Variants in SBF1 observed in about 807,000 individuals in gnomAD.
SBF1 encodes the protein SET binding factor 1, also known as myotubularin-related protein 5.
In SBF1, 65 loss-of-function variants were observed where a neutral mutation model predicts 215.8. The ratio of observed to expected loss-of-function variants is 0.30; its 90% CI spans 0.25 to 0.37. SBF1 has a LOEUF of 0.37. Among genes scored for constraint, SBF1 ranks in the 10% least tolerant of loss-of-function variants. The pLI, the probability that SBF1 is intolerant of heterozygous loss-of-function variation, is 1.00. For missense variants in SBF1, 2,634 were observed against 2,667.8 expected, an observed-to-expected ratio of 0.99 and a Z score of 0.28; for synonymous variants, 1,410 against 1,122.8, an observed-to-expected ratio of 1.26 and a Z score of -5.11.
chr22:50,469,059 C>T (rs1046834358), intron 1 of SBF1, among the ~76,000 whole-genome samples: 2 of 152,228 alleles, frequency 1.3e-5, no homozygotes, highest in Non-Finnish European at 2.9e-5. Flanking sequence ...TTTGGCAGCT[C>T]CCTGTTAGAA....
intron 10 of SBF1, 109 bp from the exon 11 acceptor site, chr22:50,465,437 C>T: frequency 2.2e-6 from 2 of 901,674 alleles, no homozygotes; most frequent in Non-Finnish European, 3.4e-6. Flanking sequence ...CCGCTCCCAT[C>T]CTTCTGCCCC....
At chr22:50,471,345 A>AGGCG (rs1180990106) in intron 1 of SBF1, among the ~76,000 whole-genome samples, 11 of 152,196 alleles carry the variant, frequency 7.2e-5, no homozygotes, top group Admixed American at 3.3e-4. Flanking sequence ...GCGGGCGGGC[A>AGGCG]GGCGAACACA....
chr22:50,461,042 G>A (rs375751190), intron 23 of SBF1, 117 bp downstream of exon 23: 48 of 1,341,620 alleles, frequency 3.6e-5, no homozygotes, highest in East Asian at 2.4e-4. Context: ...ACATGCAAGC[G>A]TAACAACAGG....
Position 50,460,332 on chromosome 22 carries a change from G to C in SBF1, c.3223C>G (p.Pro1075Ala), listed in dbSNP as rs1406074770. The C allele has an allele frequency of 6.2e-7, 1 of 1,613,550 alleles. No individual in the cohort carries two copies. The highest frequency in any genetic ancestry group is 1.1e-5 in the South Asian group (1 of 91,004). Residue 1075 changes from proline to alanine, a missense_variant, in exon 25 of 41, where the codon CCC becomes GCC. Transcript: ENST00000380817. ...TGGCCCCGGTGCTCCCAGCTGGGGG[G>C]GTTGTACTTCTTGCGAGTGACATGC... ...RQHVTRKKYN[P>A]PSWEHRGQPP... is the part of the protein sequence containing the mutation.
At chr22:50,466,904 G>T in intron 5 of SBF1, 194 bp from the exon 6 acceptor site, 2 of 576,190 alleles carry the variant, frequency 3.5e-6, no homozygotes, top group Non-Finnish European at 3.1e-6. Context: ...AGAAAACTCA[G>T]GACAGGAGTG....
At chr22:50,453,129 G>A (rs2067113479) in intron 36 of SBF1, among the ~76,000 whole-genome samples, 3 of 151,996 alleles carry the variant, frequency 2.0e-5, no homozygotes, top group Non-Finnish European at 4.4e-5. Context: ...ATAACAAGAA[G>A]ACCCAACTAC....
chr22:50,466,647 G>T lies in SBF1; in HGVS notation c.613C>A (p.Pro205Thr). 1 of 1,551,898 alleles carries T rather than the reference G, an allele frequency of 6.4e-7. No individual in the cohort carries two copies. Among genetic ancestry groups the T allele is most frequent in the Non-Finnish European group, 8.7e-7 (1 of 1,147,562 alleles). ...AGGGCCACGCTGCAGCGGCTGACGGGCAGCGAGTCGGCCAGTGGAGTCTGG... is the reference window on the plus strand; with the variant it reads ...AGGGCCACGCTGCAGCGGCTGACGGTCAGCGAGTCGGCCAGTGGAGTCTGG... The part of the protein sequence containing the change: ...VIQTPLADSL[P>T]VSRCSVALLF... The change falls in exon 6 of 41, where the codon CCC becomes ACC. Residue 205 changes from proline to threonine, a missense_variant. By Grantham distance (38) the Pro-to-Thr change is conservative (BLOSUM62 -1). Coordinates refer to ENST00000380817, the MANE Select transcript of SBF1 (RefSeq NM_002972.4).
rs1423710661 is a variant in SBF1, at chr22:50,464,325, T to C, written c.1749+4A>G. 6.2e-7 allele frequency: 1 copy of C among 1,611,884 alleles called. No homozygotes were observed. The highest frequency in any genetic ancestry group is 1.7e-5 in the Admixed American group (1 of 59,940). On this transcript the variant is annotated splice_donor_region_variant and intron_variant, in intron 15 of 40. Coordinates refer to ENST00000380817, the MANE Select transcript of SBF1 (RefSeq NM_002972.4). The stretch of plus-strand genomic sequence containing the variant: ...GGCCCGGCTGGAGCCTGCACAGCCC[T>C]CACCTTCTTGGCCTCAAGCATTTTC...
At chr22:50,467,215 G>A in intron 5 of SBF1, 123 bp downstream of exon 5, 1 of 755,932 alleles carries the variant, frequency 1.3e-6, no homozygotes, top group Non-Finnish European at 2.2e-6. Flanking sequence ...GTGGCACGAG[G>A]ACGCAAGAGG....
At chr22:50,451,779 G>C (rs545725906) in intron 36 of SBF1, among the ~76,000 whole-genome samples, 12 of 149,484 alleles carry the variant, frequency 8.0e-5, no homozygotes, top group African/African-American at 2.9e-4. Context: ...ATACAGGCCA[G>C]AAAACAAAGT....
intron 13 of SBF1, 30 bp downstream of exon 13, chr22:50,464,789 C>G: frequency 6.2e-7 from 1 of 1,612,302 alleles, no homozygotes; most frequent in South Asian, 1.1e-5. Flanking sequence ...CAAGGCGGTA[C>G]GACGCCCTCC....
At position 50,463,375 on chromosome 22, in the gene SBF1, G is replaced by A. The variant is rs1556427966; in HGVS notation, c.1807C>T (p.Gln603Ter). The A allele has an allele frequency of 6.2e-7, 1 of 1,605,382 alleles. No individual in the cohort carries two copies. The highest frequency in any genetic ancestry group is 8.5e-7 in the Non-Finnish European group (1 of 1,175,494). ...KGRAARRCLA[Q>*]ELHLHVQQNR... Reference sequence around the variant, plus strand: ...TGCTGCACATGCAGGTGCAGCTCCTGGGCGAGGCAGCGGCGGGCAGCTCGC... The same window carrying A: ...TGCTGCACATGCAGGTGCAGCTCCTAGGCGAGGCAGCGGCGGGCAGCTCGC... The change falls in exon 16 of 41, where the codon CAG becomes TAG. Residue 603 changes from glutamine to a stop codon, truncating the protein, a stop_gained. Transcript: ENST00000380817. LOFTEE classifies it high-confidence loss of function.
In SBF1 at chr22:50,447,442, G is replaced by A. The variant is rs144773853; in HGVS notation, c.5463C>T (p.Tyr1821=). 1.8e-3 allele frequency: 2,921 copies of A among 1,613,272 alleles called. 13 individuals carry two copies. The highest frequency in any genetic ancestry group is 5.4e-3 in the Middle Eastern group (33 of 6,060). ...LDKTKHQLRY[Y]DHRVDTECKG... is the part of the protein sequence containing the mutation. ...TGCACTCTGTGTCCACACGGTGGTC[G>A]TAGTAGCGCAGCTGGAGGAGGCCAC... The change falls in exon 40 of 41, where the codon TAC becomes TAT. Residue 1821 remains tyrosine, a synonymous_variant. Transcript: ENST00000380817.
In SBF1 at chr22:50,465,954, C is replaced by T. The variant is rs751947867; in HGVS notation, c.1011+7G>A. 3 of 1,612,040 alleles carry T rather than the reference C, an allele frequency of 1.9e-6. No homozygotes were observed. In the East Asian group the frequency reaches 6.7e-5, roughly 36 times the overall value. ...CAAGGCTCCCGCTTGCCCATGGTGC[C>T]CCTCACCATGCTCAGCACACTGTGC... is the stretch of plus-strand genomic sequence containing the variant. On this transcript the variant is annotated splice_region_variant and intron_variant, in intron 9 of 40. Transcript: ENST00000380817.
chr22:50,454,786 C>T (rs774398412), intron 35 of SBF1, 28 bp downstream of exon 35: 13 of 1,609,356 alleles, frequency 8.1e-6, no homozygotes, highest in Admixed American at 1.7e-5. Flanking sequence ...GGGCAGGAGC[C>T]GCCTACCCGA....
chr22:50,464,180 C>A, intron 15 of SBF1, 149 bp downstream of exon 15: 1 of 664,044 alleles, frequency 1.5e-6, no homozygotes, highest in South Asian at 1.9e-5. Flanking sequence ...CTGGAGCCCA[C>A]CTACCCTCCG....
chr22:50,450,414 G>A (rs1052572016), intron 36 of SBF1, among the ~76,000 whole-genome samples: 3 of 151,942 alleles, frequency 2.0e-5, no homozygotes, highest in Non-Finnish European at 2.9e-5. Context: ...CCAGCTACTC[G>A]GGAGGCTGAG....
chr22:50,454,600 C>G lies in SBF1; in HGVS notation c.4955G>C (p.Gly1652Ala), dbSNP rs1569509934. 4.3e-6 allele frequency: 7 copies of G among 1,610,252 alleles called. No homozygotes were observed. In the South Asian group the frequency reaches 7.7e-5, roughly 18 times the overall value. Residue 1652 changes from glycine (G) to alanine (A), a missense_variant, in exon 36 of 41, where the codon GGC becomes GCC. Gly to Ala is a moderately conservative substitution (Grantham distance 60, BLOSUM62 0). Coordinates refer to ENST00000380817, the MANE Select transcript of SBF1 (RefSeq NM_002972.4). ...CACGCGGCGCCTGCTCTGGGGAGCG[C>G]CTCCATCAGACCGTTCTTCCTCTGG... ...EPPEEERSDG[G>A]APQSRRRVVW...
Position 50,461,640 on chromosome 22 carries a change from C to T in SBF1, c.2722G>A (p.Gly908Arg). The change falls in exon 22 of 41, where the codon GGG (glycine) becomes AGG (arginine). Residue 908 changes from glycine (G) to arginine (R), a missense_variant. By Grantham distance (125) the Gly-to-Arg change is moderately radical. Coordinates refer to ENST00000380817, the MANE Select transcript of SBF1 (RefSeq NM_002972.4). ...DGLRVYLLPD[G>R]REEGAGGSAG... is the part of the protein sequence containing the mutation. ...CTGCCCCCCGCGCCCTCCTCACGCC[C>T]ATCCGGCAGCAGGTAGACGCGCAGG... 1.2e-6 allele frequency: 2 copies of T among 1,611,302 alleles called. No homozygotes were observed. Among genetic ancestry groups the T allele is most frequent in the South Asian group, 2.2e-5 (2 of 91,058 alleles).
Sources: gnomAD v4.1 joint callset for allele counts (sites outside exome capture counted in the v4.1 genomes callset) on GRCh38, gnomAD v4.1.1 for gene constraint, MANE v1.5 for transcripts, NCBI Gene and HGNC (gene_info 2026-07-23, HGNC 2026-07-21) for gene names.